SOS2: variants seen among roughly 807,000 people sequenced by gnomAD.
The protein encoded by SOS2 is SOS Ras/Rho guanine nucleotide exchange factor 2, also known as son of sevenless homolog 2.
SOS2 carries 65 observed loss-of-function variants against 148.2 expected under a neutral mutation model. The ratio of observed to expected loss-of-function variants is 0.44; its 90% CI spans 0.36 to 0.54. The LOEUF is 0.54. Among genes scored for constraint, SOS2 ranks in the 20% least tolerant of loss-of-function variants. The pLI is 0.00. For missense variants in SOS2, 1,341 were observed against 1,590.2 expected, an observed-to-expected ratio of 0.84 and a Z score of 2.67; for synonymous variants, 539 against 537.1, an observed-to-expected ratio of 1.00 and a Z score of -0.05.
At chr14:50,210,229 A>G (rs7140473) in intron 1 of SOS2, among the ~76,000 whole-genome samples, 23,788 of 152,208 alleles carry the variant, frequency 0.16, 2,427 homozygotes, top group Admixed American at 0.32. Context: ...AGAGTCCACA[A>G]ACAAGTCCAC....
chr14:50,128,269 G>A (rs1484556840), intron 21 of SOS2, among the ~76,000 whole-genome samples: 1 of 152,070 alleles, frequency 6.6e-6, no homozygotes, highest in Non-Finnish European at 1.5e-5. Flanking sequence ...GGACAAAAAG[G>A]CACCAGGAAG....
rs1182782088 is a variant in SOS2, at chr14:50,182,641, A to G, written c.715-35T>C. On this transcript the variant is annotated intron_variant, in intron 5 of 22. Transcript: ENST00000216373. ...GAGAAGGAAGGTTAAGAAATGTGAG[A>G]TTGAGAATTCTGCTAAAAAATTACT... is the stretch of plus-strand genomic sequence containing the variant. 5 of 1,562,110 alleles carry G rather than the reference A, an allele frequency of 3.2e-6. No individual in the cohort carries two copies. In the South Asian group the frequency reaches 5.6e-5, roughly 18 times the overall value.
chr14:50,188,407 CA>C, intron 5 of SOS2, 89 bp downstream of exon 5: 6 of 900,508 alleles, frequency 6.7e-6, no homozygotes, highest in Non-Finnish European at 3.5e-6. Context: ...GACTCCGTCT[CA>C]AAAAAATAAA....
At chr14:50,206,849 GC>G (rs766454993) in intron 1 of SOS2, among the ~76,000 whole-genome samples, 2 of 152,044 alleles carry the variant, frequency 1.3e-5, no homozygotes, top group Non-Finnish European at 2.9e-5. Flanking sequence ...GTCTCATTCT[GC>G]CACCCACGTT....
intron 12 of SOS2, among the ~76,000 whole-genome samples, chr14:50,153,823 G>T (rs8016272): frequency 0.011 from 1,670 of 152,200 alleles, 30 homozygotes; most frequent in African/African-American, 0.037. Flanking sequence ...ATGTTGGCCA[G>T]GCTGGTCTCG....
intron 7 of SOS2, among the ~76,000 whole-genome samples, chr14:50,175,544 A>G (rs572837056): frequency 6.6e-6 from 1 of 152,036 alleles, no homozygotes; most frequent in Admixed American, 6.6e-5. Context: ...ACTTTGGAAA[A>G]GACAATGCAA....
chr14:50,130,437 A>G, intron 20 of SOS2, 64 bp downstream of exon 20: 2 of 1,375,438 alleles, frequency 1.5e-6, no homozygotes, highest in Non-Finnish European at 2.0e-6. Context: ...CCTAATTAAA[A>G]TGATAAGAAT....
rs1883402274 is a variant in SOS2, at chr14:50,118,821, A to G, written c.3522T>C (p.Ala1174=). The G allele has an allele frequency of 9.3e-6, 14 of 1,504,966 alleles. No homozygotes were observed. The highest frequency in any genetic ancestry group is 1.2e-5 in the Non-Finnish European group (14 of 1,120,112). 93.2% of individuals were successfully genotyped at this position (1,504,966 alleles called of 1,614,324 possible). ...GAGGAGGAGGCTGTCTCGGTGGAAT[A>G]GCAGGAGGATCATCATCAGATTTCA... The part of the protein sequence containing the change: ...GNMKSDDDPP[A]IPPRQPPPPK... Residue 1174 remains alanine (A), a synonymous_variant, in exon 23 of 23, where the codon GCT becomes GCC. Coordinates refer to ENST00000216373, the MANE Select transcript of SOS2 (RefSeq NM_006939.4).
intron 1 of SOS2, among the ~76,000 whole-genome samples, chr14:50,208,871 T>C (rs898208078): frequency 2.0e-5 from 3 of 152,180 alleles, no homozygotes; most frequent in Non-Finnish European, 4.4e-5. Flanking sequence ...TGACTGCCCA[T>C]TGTGATGGTT....
chr14:50,163,519 T>C (rs1885077576), intron 8 of SOS2, among the ~76,000 whole-genome samples: 1 of 152,148 alleles, frequency 6.6e-6, no homozygotes, highest in Non-Finnish European at 1.5e-5. Flanking sequence ...ATTAGCAACA[T>C]AAATAATGTA....
At chr14:50,151,916 GT>G (rs1225546719) in intron 13 of SOS2, among the ~76,000 whole-genome samples, 2 of 151,920 alleles carry the variant, frequency 1.3e-5, no homozygotes, top group African/African-American at 2.4e-5. Context: ...TAGAGACTGG[GT>G]TTTGCCATTT....
intron 4 of SOS2, among the ~76,000 whole-genome samples, chr14:50,196,174 T>G (rs1219954039): frequency 6.6e-6 from 1 of 152,104 alleles, no homozygotes; most frequent in East Asian, 1.9e-4. Context: ...AAACCTCAAT[T>G]AGGAGGAATT....
chr14:50,178,558 G>T (rs1183059059), intron 7 of SOS2, among the ~76,000 whole-genome samples: 1 of 151,056 alleles, frequency 6.6e-6, no homozygotes, highest in African/African-American at 2.4e-5. Context: ...CCACCTCCTG[G>T]GTTCAAGTGA....
chr14:50,147,349 T>G (rs114670972), intron 14 of SOS2, among the ~76,000 whole-genome samples: 2,251 of 151,776 alleles, frequency 0.015, 60 homozygotes, highest in African/African-American at 0.052. Context: ...CTCTATGAAA[T>G]TTTTTTAAAA....
chr14:50,188,796 C>T (rs1230114506), intron 4 of SOS2, 96 bp from the exon 5 acceptor site: 5 of 847,688 alleles, frequency 5.9e-6, no homozygotes, highest in Admixed American at 5.9e-5. Context: ...TTAAACAGGG[C>T]TGGGTGTTGT....
chr14:50,158,081 C>G (rs1332197649), intron 11 of SOS2, among the ~76,000 whole-genome samples: 1 of 151,884 alleles, frequency 6.6e-6, no homozygotes, highest in African/African-American at 2.4e-5. Flanking sequence ...TGTAGGGAAA[C>G]AGATGAAACA....
chr14:50,187,797 ATT>A (rs1885965739), intron 5 of SOS2, among the ~76,000 whole-genome samples: 1 of 152,136 alleles, frequency 6.6e-6, no homozygotes. Flanking sequence ...TTAAAACTTT[ATT>A]TTTTTTAACC....
At chr14:50,186,175 A>AT (rs1192077123) in intron 5 of SOS2, among the ~76,000 whole-genome samples, 2 of 152,180 alleles carry the variant, frequency 1.3e-5, no homozygotes, top group African/African-American at 4.8e-5. Context: ...TCAAAAGTTT[A>AT]TATTTTACTT....
chr14:50,220,269 G>A (rs1378799594), intron 1 of SOS2, among the ~76,000 whole-genome samples: 1 of 150,630 alleles, frequency 6.6e-6, no homozygotes, highest in Non-Finnish European at 1.5e-5. Flanking sequence ...AGCTGGGCGT[G>A]GTGGCGGGCG....
Sources: gnomAD v4.1 joint callset for allele counts (sites outside exome capture counted in the v4.1 genomes callset) on GRCh38, gnomAD v4.1.1 for gene constraint, MANE v1.5 for transcripts, NCBI Gene and HGNC (gene_info 2026-07-23, HGNC 2026-07-21) for gene names.